Variants in SPECC1 observed in about 807,000 individuals in gnomAD.
The protein encoded by SPECC1 is sperm antigen with calponin homology and coiled-coil domains 1.
Under a neutral mutation model 104.1 loss-of-function variants are expected in SPECC1, and 62 were observed. The ratio of observed to expected loss-of-function variants is 0.60; its 90% CI spans 0.49 to 0.74. The LOEUF is 0.74. SPECC1 is among the 30% of genes least tolerant of loss of function. The pLI is 0.00. For synonymous variants in SPECC1, 513 were observed against 501.6 expected (o/e 1.02, Z -0.30); for missense variants, 1,306 against 1,310.5 (o/e 1.00, Z 0.05).
Position 20,274,513 on chromosome 17 carries a change from T to TC in SPECC1, c.2940+14219_2940+14220insC, listed in dbSNP as rs1219115970. 2.2e-3 allele frequency among the ~76,000 whole-genome samples: 319 copies of TC among 146,780 alleles called. 1 individual carries two copies. Among genetic ancestry groups the TC allele is most frequent in the Non-Finnish European group, 3.8e-3 (248 of 65,576 alleles). On this transcript the variant is annotated intron_variant, in intron 12 of 14. Coordinates refer to ENST00000395527, the MANE Select transcript of SPECC1 (RefSeq NM_001243439.2). ...TTTCCTTTTTTTCTTTTTTCTTTTTTTTTTTTTTTTTTGAGAGGTAGTCTC... is the reference window on the plus strand; with the variant it reads ...TTTCCTTTTTTTCTTTTTTCTTTTTTCTTTTTTTTTTTTGAGAGGTAGTCTC...
chr17:20,106,574 T>C (rs895981115), intron 2 of SPECC1, among the ~76,000 whole-genome samples: 3 of 152,188 alleles, frequency 2.0e-5, no homozygotes, highest in Non-Finnish European at 4.4e-5. Context: ...AATTGAATCC[T>C]GCTGTTCTCA....
intron 3 of SPECC1, among the ~76,000 whole-genome samples, chr17:20,135,110 G>T (rs1376801932): frequency 6.6e-6 from 1 of 152,184 alleles, no homozygotes; most frequent in Non-Finnish European, 1.5e-5. Context: ...GATTCTCAGT[G>T]TTGTGTGTTC....
intron 3 of SPECC1, among the ~76,000 whole-genome samples, chr17:20,143,813 A>G (rs866885827): frequency 6.6e-6 from 1 of 152,216 alleles, no homozygotes; most frequent in Admixed American, 6.5e-5. Context: ...GGCCTGCAGC[A>G]GGGATGGGGG....
intron 1 of SPECC1, among the ~76,000 whole-genome samples, chr17:20,046,278 T>C (rs2045536116): frequency 6.6e-6 from 1 of 152,108 alleles, no homozygotes; most frequent in South Asian, 2.1e-4. Context: ...ATTAATATTA[T>C]TTTTACATTA....
intron 12 of SPECC1, among the ~76,000 whole-genome samples, chr17:20,279,305 C>CTT (rs2040679283): frequency 7.1e-6 from 1 of 140,266 alleles, no homozygotes; most frequent in Non-Finnish European, 1.6e-5. Context: ...GGTTACTTTT[C>CTT]TTTCTTTTTT....
rs762643888 is a variant in SPECC1 at position 20,317,259 on chromosome 17, ATTT to A, written c.*3213_*3215del. The A allele has an allele frequency of 4.9e-4, 34 of 69,662 alleles. No homozygotes were observed. Among genetic ancestry groups the A allele is most frequent in the South Asian group, 7.9e-4 (1 of 1,268 alleles). The allele number at this position is 69,662 out of a possible 1,614,324, so 4.3% of individuals were successfully genotyped here. On this transcript the variant is annotated 3_prime_UTR_variant, in exon 15 of 15. Transcript: ENST00000395527. ...GCAAGACCTCTGACTCTATAAAAAA[ATTT>A]TTTTTTTTTTTTTTTTTTGAGAGAG...
chr17:20,092,453 T>C (rs1269653939), intron 1 of SPECC1, among the ~76,000 whole-genome samples: 1 of 152,164 alleles, frequency 6.6e-6, no homozygotes, highest in Non-Finnish European at 1.5e-5. Flanking sequence ...TGTTAAGCCC[T>C]GGGCAATTTT....
At chr17:20,033,526 T>C (rs1464786780) in intron 1 of SPECC1, among the ~76,000 whole-genome samples, 1 of 152,200 alleles carries the variant, frequency 6.6e-6, no homozygotes, top group Non-Finnish European at 1.5e-5. Flanking sequence ...GGCATCACTA[T>C]CTGCTTCTGG....
intron 12 of SPECC1, among the ~76,000 whole-genome samples, chr17:20,292,920 C>A (rs62066877): frequency 2.0e-3 from 302 of 152,332 alleles, no homozygotes; most frequent in Non-Finnish European, 3.5e-3. Flanking sequence ...GCAAAGCAGA[C>A]TCCAGGACAC....
At position 20,257,646 on chromosome 17, in the gene SPECC1, G is replaced by A. The variant is rs368258888; in HGVS notation, c.2837+39G>A. On this transcript the variant is annotated intron_variant, in intron 11 of 14. Coordinates refer to ENST00000395527, the MANE Select transcript of SPECC1 (RefSeq NM_001243439.2). Reference sequence around the variant, plus strand: ...AACAATAAGAAATCAGAAAAACATCGGGCTAATCACCTTTTATTCTTCCTT... The same window carrying A: ...AACAATAAGAAATCAGAAAAACATCAGGCTAATCACCTTTTATTCTTCCTT... The A allele has an allele frequency of 1.3e-4, 211 of 1,605,324 alleles. 4 individuals are homozygous for A. In the South Asian group the frequency reaches 2.2e-3, roughly 17 times the overall value.
intron 8 of SPECC1, among the ~76,000 whole-genome samples, chr17:20,246,506 A>G (rs995189949): frequency 1.3e-5 from 2 of 152,012 alleles, no homozygotes; most frequent in Non-Finnish European, 2.9e-5. Context: ...CCATCTTGCA[A>G]CCTGCTAGAC....
At chr17:20,055,988 T>C (rs2045950258) in intron 1 of SPECC1, among the ~76,000 whole-genome samples, 1 of 152,246 alleles carries the variant, frequency 6.6e-6, no homozygotes, top group African/African-American at 2.4e-5. Flanking sequence ...TTAGGAGGAC[T>C]GCACTCTGGG....
chr17:20,202,395 G>A (rs1390840222), intron 3 of SPECC1, among the ~76,000 whole-genome samples: 1 of 151,972 alleles, frequency 6.6e-6, no homozygotes, highest in African/African-American at 2.4e-5. Flanking sequence ...ATAACACTAT[G>A]GGACCCATAC....
At chr17:20,174,353 T>C (rs898584560) in intron 3 of SPECC1, among the ~76,000 whole-genome samples, 1 of 152,156 alleles carries the variant, frequency 6.6e-6, no homozygotes, top group Non-Finnish European at 1.5e-5. Context: ...ATACTGTAAA[T>C]ATGCAGTTAG....
chr17:20,028,826 G>A (rs1285570637), intron 1 of SPECC1, among the ~76,000 whole-genome samples: 2 of 149,398 alleles, frequency 1.3e-5, no homozygotes, highest in Non-Finnish European at 3.0e-5. Flanking sequence ...GCAATGGCAC[G>A]ATCTTGGCTC....
At chr17:20,093,295 G>C (rs185750200) in intron 1 of SPECC1, among the ~76,000 whole-genome samples, 2 of 152,180 alleles carry the variant, frequency 1.3e-5, no homozygotes, top group Non-Finnish European at 2.9e-5. Flanking sequence ...AGCTCCCTCA[G>C]GCACTAATTA....
intron 14 of SPECC1, among the ~76,000 whole-genome samples, chr17:20,313,479 G>A (rs943242487): frequency 5.3e-5 from 8 of 152,244 alleles, no homozygotes; most frequent in African/African-American, 1.7e-4. Context: ...CTTGTGGACA[G>A]CAGTTTCCCT....
intron 10 of SPECC1, among the ~76,000 whole-genome samples, chr17:20,256,431 C>A (rs2039833315): frequency 2.6e-5 from 4 of 152,106 alleles, no homozygotes; most frequent in African/African-American, 9.7e-5. Context: ...ATGTGCTGTT[C>A]TTGTTGTTCC....
chr17:20,258,952 CATTT>C (rs964223033), intron 11 of SPECC1, among the ~76,000 whole-genome samples: 3 of 152,216 alleles, frequency 2.0e-5, no homozygotes, highest in African/African-American at 7.2e-5. Context: ...GTTCAACTTA[CATTT>C]TGGTATCTCT....
Sources: gnomAD v4.1 joint callset for allele counts (sites outside exome capture counted in the v4.1 genomes callset) on GRCh38, gnomAD v4.1.1 for gene constraint, MANE v1.5 for transcripts, NCBI Gene and HGNC (gene_info 2026-07-23, HGNC 2026-07-21) for gene names.